DLGAP2: variants seen among roughly 807,000 people sequenced by gnomAD.
DLGAP2 encodes the protein DLG associated protein 2, also known as disks large-associated protein 2.
Under a neutral mutation model 100.3 loss-of-function variants are expected in DLGAP2, and 26 were observed. That is an observed-to-expected ratio of 0.26 (90% CI 0.19 to 0.36). DLGAP2 has a LOEUF of 0.36. Among genes scored for constraint, DLGAP2 ranks in the 10% least tolerant of loss-of-function variants. The pLI, the probability that DLGAP2 is intolerant of heterozygous loss-of-function variation, is 1.00. For missense variants in DLGAP2, 1,858 were observed against 1,453.2 expected (o/e 1.28, Z -4.53); for synonymous variants, 886 against 630.1 (o/e 1.41, Z -6.08).
intron 2 of DLGAP2, among the ~76,000 whole-genome samples, chr8:1,139,359 A>C (rs1202210459): frequency 6.6e-6 from 1 of 152,260 alleles, no homozygotes; most frequent in Non-Finnish European, 1.5e-5. Flanking sequence ...TTGTCAGCAG[A>C]CATTTCCTTC....
intron 3 of DLGAP2, among the ~76,000 whole-genome samples, chr8:1,374,852 C>G (rs557494106): frequency 6.6e-6 from 1 of 152,160 alleles, no homozygotes; most frequent in South Asian, 2.1e-4. Flanking sequence ...CGTGGGACTC[C>G]GGTGCCGCAC....
chr8:810,516 T>C (rs1385063525), intron 1 of DLGAP2, among the ~76,000 whole-genome samples: 1 of 152,242 alleles, frequency 6.6e-6, no homozygotes, highest in Non-Finnish European at 1.5e-5. Flanking sequence ...GTACATTCTA[T>C]AAATGAAACT....
At chr8:1,024,989 C>A (rs749879624) in intron 2 of DLGAP2, among the ~76,000 whole-genome samples, 20 of 152,174 alleles carry the variant, frequency 1.3e-4, no homozygotes, top group Non-Finnish European at 2.6e-4. Flanking sequence ...CCTTTTTCCA[C>A]AAGAGTAGCC....
At chr8:1,554,063 G>A (rs1490191557) in intron 5 of DLGAP2, among the ~76,000 whole-genome samples, 2 of 152,262 alleles carry the variant, frequency 1.3e-5, no homozygotes, top group Admixed American at 1.3e-4. Flanking sequence ...CAACGCAGGT[G>A]GATCACCTGA....
At chr8:1,149,405 C>T (rs1421214567) in intron 2 of DLGAP2, among the ~76,000 whole-genome samples, 1 of 152,098 alleles carries the variant, frequency 6.6e-6, no homozygotes, top group East Asian at 1.9e-4. Flanking sequence ...CCTCGGCCTC[C>T]CAAAGTGCTG....
intron 2 of DLGAP2, among the ~76,000 whole-genome samples, chr8:960,252 T>TTTTTTTTTTTTTTTTTTTTG (rs369284313): frequency 7.0e-6 from 1 of 142,018 alleles, no homozygotes; most frequent in East Asian, 2.1e-4. Context: ...TTTTTTTTTT[T>TTTTTTTTTTTTTTTTTTTTG]CCCGAGACAC....
At chr8:1,701,158 C>T (rs1361343526) in intron 14 of DLGAP2, 30 bp from the exon 15 acceptor site, 1 of 1,546,006 alleles carries the variant, frequency 6.5e-7, no homozygotes, top group South Asian at 1.2e-5. Flanking sequence ...CTCCGAGCAC[C>T]TGCCAACGGT....
At chr8:1,482,234 G>T (rs946321461) in intron 3 of DLGAP2, among the ~76,000 whole-genome samples, 1 of 152,182 alleles carries the variant, frequency 6.6e-6, no homozygotes, top group Non-Finnish European at 1.5e-5. Flanking sequence ...TGCTTTTCAA[G>T]TCACTGTTTC....
chr8:1,059,800 C>G (rs546912100), intron 2 of DLGAP2, among the ~76,000 whole-genome samples: 2 of 152,160 alleles, frequency 1.3e-5, no homozygotes, highest in African/African-American at 4.8e-5. Context: ...CCAGGACAGA[C>G]AGAGACACGC....
At chr8:1,470,134 C>G (rs1270736260) in intron 3 of DLGAP2, among the ~76,000 whole-genome samples, 1 of 152,120 alleles carries the variant, frequency 6.6e-6, no homozygotes, top group African/African-American at 2.4e-5. Context: ...CGCACTGCAG[C>G]CTGGGTGACA....
At chr8:1,213,069 C>T (rs1425944473) in intron 2 of DLGAP2, among the ~76,000 whole-genome samples, 1 of 152,036 alleles carries the variant, frequency 6.6e-6, no homozygotes, top group Non-Finnish European at 1.5e-5. Flanking sequence ...CGGTGAGTAT[C>T]CAGCATCTTA....
rs181007720 is a variant in DLGAP2 at position 1,033,368 on chromosome 8, A to G, written c.73+125402A>G. ...AGAAAAATGGGATGAATGAAGAATA[A>G]AGGCTTAGCTGGGGGTTGGGGGTGG... On this transcript the variant is annotated intron_variant, in intron 2 of 14. Coordinates refer to ENST00000637795, the MANE Select transcript of DLGAP2 (RefSeq NM_001346810.2). 9.2e-5 allele frequency among the ~76,000 whole-genome samples: 14 copies of G among 152,290 alleles called. No individual in the cohort carries two copies. The East Asian group carries it at 2.7e-3, about 29-fold the overall frequency.
chr8:1,305,501 T>C (rs1380845574), intron 3 of DLGAP2, among the ~76,000 whole-genome samples: 5 of 152,238 alleles, frequency 3.3e-5, no homozygotes, highest in Admixed American at 1.3e-4. Context: ...TGTGTGTCTT[T>C]CTGTTCTGTC....
intron 3 of DLGAP2, among the ~76,000 whole-genome samples, chr8:1,260,881 C>G (rs1381389592): frequency 6.6e-6 from 1 of 152,246 alleles, no homozygotes; most frequent in East Asian, 1.9e-4. Flanking sequence ...GGTCTGTGAC[C>G]TCTCAGGCCC....
rs1027545078 is a variant in DLGAP2, at chr8:1,707,000, A to G, written c.*5594A>G. 3 of 152,648 alleles carry G rather than the reference A, an allele frequency of 2.0e-5. No individual in the cohort carries two copies. The highest frequency in any genetic ancestry group is 3.9e-4 in the East Asian group (2 of 5,186). The allele number at this position is 152,648 out of a possible 1,614,324, so 9.5% of individuals were successfully genotyped here. A position where few individuals can be genotyped will look rare whatever the true frequency, so the allele number is the denominator to read the frequency against. ...TGGCGTTTTTATCCAGTGTTAAAAT[A>G]AATTATTTCAAGTTTCAATGTAAAC... On this transcript the variant is annotated 3_prime_UTR_variant, in exon 15 of 15. Coordinates refer to ENST00000637795, the MANE Select transcript of DLGAP2 (RefSeq NM_001346810.2).
At chr8:1,443,366 G>A (rs150048965) in intron 3 of DLGAP2, among the ~76,000 whole-genome samples, 2,022 of 151,798 alleles carry the variant, frequency 0.013, 51 homozygotes, top group African/African-American at 0.045. Context: ...AGATAATCGC[G>A]GGTAACATTT....
chr8:1,232,518 C>T (rs1351362565), intron 2 of DLGAP2, among the ~76,000 whole-genome samples: 1 of 152,258 alleles, frequency 6.6e-6, no homozygotes, highest in South Asian at 2.1e-4. Flanking sequence ...TTTCCTCTTG[C>T]ATCACTGTGC....
chr8:851,073 T>C (rs1797174720), intron 1 of DLGAP2, among the ~76,000 whole-genome samples: 1 of 152,214 alleles, frequency 6.6e-6, no homozygotes. Flanking sequence ...GTTTTTAACA[T>C]ATGATTTTTC....
At chr8:1,436,742 T>C (rs766461310) in intron 3 of DLGAP2, among the ~76,000 whole-genome samples, 43 of 152,038 alleles carry the variant, frequency 2.8e-4, no homozygotes, top group African/African-American at 7.5e-4. Flanking sequence ...CTCACCCACT[T>C]ACCCATTCAC....
Sources: allele counts gnomAD v4.1 joint callset (sites outside exome capture counted in the v4.1 genomes callset), GRCh38; gene constraint gnomAD v4.1.1; transcripts MANE v1.5; gene names NCBI Gene and HGNC (gene_info 2026-07-23, HGNC 2026-07-21).